The following CTNND2 variants were observed in gnomAD, a reference collection of about 807,000 sequenced individuals.
CTNND2 encodes the protein catenin delta 2.
In CTNND2, 22 loss-of-function variants were observed where a neutral mutation model predicts 144.4. The ratio of observed to expected loss-of-function variants is 0.15; its 90% CI spans 0.11 to 0.22. The LOEUF (loss-of-function observed/expected upper bound fraction) is 0.22. CTNND2 is among the 10% of genes least tolerant of loss of function. The probability of loss-of-function intolerance (pLI) is 1.00; values close to 1 mark genes in which losing one functional copy is unlikely to be tolerated. For synonymous variants in CTNND2, 751 were observed against 695.6 expected, an observed-to-expected ratio of 1.08 and a Z score of -1.25; for missense variants, 1,353 against 1,618.8, an observed-to-expected ratio of 0.84 and a Z score of 2.82.
At chr5:11,402,411 A>G (rs1029063420) in intron 5 of CTNND2, among the ~76,000 whole-genome samples, 4 of 152,236 alleles carry the variant, frequency 2.6e-5, no homozygotes, top group African/African-American at 9.6e-5. Flanking sequence ...AAAATTACCA[A>G]ACTGATTTAA....
At chr5:11,647,234 AT>A (rs1175321572) in intron 2 of CTNND2, among the ~76,000 whole-genome samples, 1 of 151,972 alleles carries the variant, frequency 6.6e-6, no homozygotes, top group African/African-American at 2.4e-5. Context: ...TCTTTTGTCA[AT>A]TTTCTGGTCA....
At chr5:11,648,313 T>A (rs1245018142) in intron 2 of CTNND2, among the ~76,000 whole-genome samples, 1 of 152,042 alleles carries the variant, frequency 6.6e-6, no homozygotes, top group East Asian at 1.9e-4. Flanking sequence ...GGCTACTTGG[T>A]CCTGCCCTGT....
chr5:11,460,247 A>G (rs1766074027), intron 3 of CTNND2, among the ~76,000 whole-genome samples: 1 of 152,224 alleles, frequency 6.6e-6, no homozygotes, highest in Admixed American at 6.5e-5. Flanking sequence ...GACTACTGAC[A>G]GAATTCAAAC....
intron 3 of CTNND2, 137 bp from the exon 4 acceptor site, chr5:11,412,206 G>T (rs866341653): frequency 6.1e-6 from 4 of 651,282 alleles, no homozygotes; most frequent in Non-Finnish European, 1.1e-5. Flanking sequence ...ACTATGAAAA[G>T]GGATTCCACT....
At chr5:11,861,959 C>A (rs1163644296) in intron 1 of CTNND2, among the ~76,000 whole-genome samples, 1 of 152,094 alleles carries the variant, frequency 6.6e-6, no homozygotes, top group Non-Finnish European at 1.5e-5. Flanking sequence ...TGTAACCTAC[C>A]CTGACTACCC....
At chr5:11,145,668 A>C (rs1757170773) in intron 12 of CTNND2, among the ~76,000 whole-genome samples, 1 of 151,792 alleles carries the variant, frequency 6.6e-6, no homozygotes, top group Admixed American at 6.6e-5. Context: ...CACCTCTCTA[A>C]TCCTCTCTCC....
intron 2 of CTNND2, among the ~76,000 whole-genome samples, chr5:11,707,626 C>T (rs1024243509): frequency 2.0e-5 from 3 of 152,120 alleles, no homozygotes; most frequent in Admixed American, 6.6e-5. Context: ...CACACAAATG[C>T]CACAGTACAT....
intron 1 of CTNND2, among the ~76,000 whole-genome samples, chr5:11,807,075 C>T (rs1428107478): frequency 1.3e-5 from 2 of 152,090 alleles, no homozygotes; most frequent in African/African-American, 2.4e-5. Flanking sequence ...GCTTATATCA[C>T]CCCTGCTTAA....
At chr5:11,493,256 C>G (rs1019709245) in intron 3 of CTNND2, among the ~76,000 whole-genome samples, 1 of 152,172 alleles carries the variant, frequency 6.6e-6, no homozygotes, top group African/African-American at 2.4e-5. Flanking sequence ...CCATCAGTAC[C>G]TTTCAGTCTC....
intron 3 of CTNND2, among the ~76,000 whole-genome samples, chr5:11,521,580 T>C (rs1190135100): frequency 6.6e-6 from 1 of 152,232 alleles, no homozygotes; most frequent in African/African-American, 2.4e-5. Context: ...AACTTGGGAT[T>C]TTCTCAGCAT....
intron 2 of CTNND2, among the ~76,000 whole-genome samples, chr5:11,603,330 T>A (rs1779895534): frequency 6.6e-6 from 1 of 152,198 alleles, no homozygotes; most frequent in Admixed American, 6.5e-5. Flanking sequence ...AACCATCCCA[T>A]GAAACAAACA....
chr5:11,648,386 C>T (rs1782471962), intron 2 of CTNND2, among the ~76,000 whole-genome samples: 1 of 151,990 alleles, frequency 6.6e-6, no homozygotes, highest in African/African-American at 2.4e-5. Context: ...CCTCAAAAGC[C>T]CCTTTCTCCA....
rs373602135 is a variant in CTNND2 at position 11,397,113 on chromosome 5, G to C, written c.530C>G (p.Thr177Ser). The C allele has an allele frequency of 1.2e-5, 19 of 1,614,064 alleles. No individual in the cohort carries two copies. The highest frequency in any genetic ancestry group is 4.0e-5 in the African/African-American group (3 of 74,924). The change falls in exon 6 of 22, where the codon ACC (threonine) becomes AGC (serine). Residue 177 changes from threonine to serine, a missense_variant. Physicochemically the swap from Thr to Ser is moderately conservative, Grantham distance 58. Transcript: ENST00000304623. ...AGGGGTGGTTTCCCCCAGGGCCAGG[G>C]TCTGGTTGCTATGGTAGCTGGCCGG... is the stretch of plus-strand genomic sequence containing the variant. ...QYPASYHSNQ[T>S]LALGETTPSQ...
At chr5:11,708,762 A>G (rs1279942202) in intron 2 of CTNND2, among the ~76,000 whole-genome samples, 1 of 152,096 alleles carries the variant, frequency 6.6e-6, no homozygotes, top group African/African-American at 2.4e-5. Context: ...AAGGCAGGGT[A>G]AGCACCACAA....
chr5:11,561,628 G>A (rs1474208829), intron 3 of CTNND2, among the ~76,000 whole-genome samples: 3 of 152,220 alleles, frequency 2.0e-5, no homozygotes, highest in Non-Finnish European at 4.4e-5. Flanking sequence ...CAGATTGCTT[G>A]TCCCGCAAAT....
At chr5:11,512,737 T>A (rs1038755011) in intron 3 of CTNND2, among the ~76,000 whole-genome samples, 3 of 152,154 alleles carry the variant, frequency 2.0e-5, no homozygotes, top group Non-Finnish European at 2.9e-5. Flanking sequence ...TCCAGGGGAA[T>A]GAGGGAAGAC....
At chr5:11,555,101 G>A (rs1362670709) in intron 3 of CTNND2, among the ~76,000 whole-genome samples, 1 of 152,022 alleles carries the variant, frequency 6.6e-6, no homozygotes, top group Non-Finnish European at 1.5e-5. Context: ...ATGTTCATTC[G>A]TCTGTTCATT....
chr5:11,248,201 G>A (rs1743202590), intron 9 of CTNND2, among the ~76,000 whole-genome samples: 1 of 152,130 alleles, frequency 6.6e-6, no homozygotes, highest in Admixed American at 6.5e-5. Flanking sequence ...ACTCGGATCA[G>A]GAGATTTAAG....
Position 11,376,161 on chromosome 5 carries a change from A to G in CTNND2, c.1177+8504T>C, listed in dbSNP as rs10073176. 4.7e-3 allele frequency among the ~76,000 whole-genome samples: 709 copies of G among 152,300 alleles called. 5 individuals are homozygous for G. Among genetic ancestry groups the G allele is most frequent in the African/African-American group, 0.016 (682 of 41,550 alleles). ...GGACTTTCCAGCCTCCAGAACTAGGAGAAATAAATCTCTGTTGTTTGTAAG... is the reference window on the plus strand; with the variant it reads ...GGACTTTCCAGCCTCCAGAACTAGGGGAAATAAATCTCTGTTGTTTGTAAG... On this transcript the variant is annotated intron_variant, in intron 7 of 21. Coordinates refer to ENST00000304623, the MANE Select transcript of CTNND2 (RefSeq NM_001332.4).
Sources: allele counts gnomAD v4.1 joint callset (sites outside exome capture counted in the v4.1 genomes callset), GRCh38; gene constraint gnomAD v4.1.1; transcripts MANE v1.5; gene names NCBI Gene and HGNC (gene_info 2026-07-23, HGNC 2026-07-21).